CACNA2D3: variants seen among roughly 807,000 people sequenced by gnomAD.
The protein encoded by CACNA2D3 is calcium voltage-gated channel auxiliary subunit alpha2delta 3, also known as voltage-dependent calcium channel subunit alpha-2/delta-3.
A neutral mutation model predicts 160.6 loss-of-function variants in CACNA2D3; 60 were observed. The observed-to-expected ratio is 0.37, with a 90% CI of 0.30 to 0.46. CACNA2D3 has a LOEUF of 0.46. CACNA2D3 is among the 20% of genes least tolerant of loss of function. CACNA2D3 has a pLI of 1.00. For synonymous variants in CACNA2D3, 558 were observed against 492.9 expected, an observed-to-expected ratio of 1.13 and a Z score of -1.75; for missense variants, 1,205 against 1,365.0, an observed-to-expected ratio of 0.88 and a Z score of 1.85.
intron 14 of CACNA2D3, among the ~76,000 whole-genome samples, chr3:54,818,704 C>T (rs1159942029): frequency 2.0e-5 from 3 of 152,146 alleles, no homozygotes; most frequent in Admixed American, 1.3e-4. Context: ...TCCCTGTCTC[C>T]GAATGATGTC....
chr3:54,995,633 C>G (rs191797986), intron 31 of CACNA2D3, among the ~76,000 whole-genome samples: 110 of 152,264 alleles, frequency 7.2e-4, no homozygotes, highest in Admixed American at 5.0e-3. Flanking sequence ...TTAATAAATG[C>G]TTTAAATAAG....
chr3:54,490,950 T>C (rs977056133), intron 4 of CACNA2D3, among the ~76,000 whole-genome samples: 7 of 152,140 alleles, frequency 4.6e-5, no homozygotes, highest in Admixed American at 3.3e-4. Context: ...GAGCTGGGCA[T>C]ACAACTGTGA....
intron 5 of CACNA2D3, among the ~76,000 whole-genome samples, chr3:54,542,269 C>A (rs1701993423): frequency 2.6e-5 from 4 of 152,010 alleles, no homozygotes; most frequent in South Asian, 2.1e-4. Context: ...ACCATGTTGG[C>A]CAGGATGGTC....
chr3:54,980,765 A>T (rs1383576181), intron 29 of CACNA2D3, among the ~76,000 whole-genome samples: 1 of 152,306 alleles, frequency 6.6e-6, no homozygotes, highest in Admixed American at 6.5e-5. Flanking sequence ...AATTTTCAAA[A>T]ATCAAAGAAG....
At chr3:54,414,926 A>T (rs534545519) in intron 4 of CACNA2D3, among the ~76,000 whole-genome samples, 1 of 151,886 alleles carries the variant, frequency 6.6e-6, no homozygotes, top group South Asian at 2.1e-4. Flanking sequence ...CACCAATTTC[A>T]ATTTTATTAA....
At position 54,980,541 on chromosome 3, in the gene CACNA2D3, C is replaced by G. The variant is rs538108092; in HGVS notation, c.2557-4067C>G. 2.0e-5 allele frequency among the ~76,000 whole-genome samples: 3 copies of G among 151,972 alleles called. No homozygotes were observed. The East Asian group carries it at 5.8e-4, about 29-fold the overall frequency. On this transcript the variant is annotated intron_variant, in intron 29 of 37. Coordinates refer to ENST00000474759, the MANE Select transcript of CACNA2D3 (RefSeq NM_018398.3). Reference sequence around the variant, plus strand: ...CACACCTTGAGTGTAGAACTGTTTCCTTGGTGGTCTCAAATACATGTTACA... The same window carrying G: ...CACACCTTGAGTGTAGAACTGTTTCGTTGGTGGTCTCAAATACATGTTACA...
At chr3:54,237,751 C>G (rs116231458) in intron 2 of CACNA2D3, among the ~76,000 whole-genome samples, 32 of 152,310 alleles carry the variant, frequency 2.1e-4, no homozygotes, top group African/African-American at 6.7e-4. Context: ...CATGCTGACT[C>G]TGGCTCAGTT....
At chr3:54,277,893 G>T (rs941710470) in intron 2 of CACNA2D3, among the ~76,000 whole-genome samples, 1 of 152,162 alleles carries the variant, frequency 6.6e-6, no homozygotes, top group Non-Finnish European at 1.5e-5. Flanking sequence ...TGTAGCAATT[G>T]TGAATGGGAG....
chr3:54,644,608 T>C (rs763604824), intron 11 of CACNA2D3, among the ~76,000 whole-genome samples: 1 of 152,194 alleles, frequency 6.6e-6, no homozygotes, highest in Non-Finnish European at 1.5e-5. Context: ...ATCTTCAAGA[T>C]TGTAAAAATG....
Position 54,871,508 on chromosome 3 carries a change from TTTC to T in CACNA2D3, c.1627-28_1627-26del, listed in dbSNP as rs371401793. ...GCTGATGACTTCACGGACTTTTGTT[TTTC>T]TTTTCTTTTTCTTCTTCCCCTTGCT... is the stretch of plus-strand genomic sequence containing the variant. On this transcript the variant is annotated intron_variant, in intron 17 of 37. Coordinates refer to ENST00000474759, the MANE Select transcript of CACNA2D3 (RefSeq NM_018398.3). 2.6e-4 allele frequency: 415 copies of T among 1,567,684 alleles called. No individual in the cohort carries two copies. The African/African-American group carries it at 4.8e-3, about 18-fold the overall frequency.
chr3:54,353,360 T>C (rs1197941105), intron 3 of CACNA2D3, among the ~76,000 whole-genome samples: 3 of 152,220 alleles, frequency 2.0e-5, no homozygotes, highest in East Asian at 3.8e-4. Flanking sequence ...GTGGAATCTC[T>C]GAGCCGGACT....
At chr3:54,777,268 A>G (rs1382662863) in intron 13 of CACNA2D3, among the ~76,000 whole-genome samples, 1 of 152,168 alleles carries the variant, frequency 6.6e-6, no homozygotes, top group Non-Finnish European at 1.5e-5. Context: ...GCCTGCTTCT[A>G]TTTAAAAGTA....
chr3:54,239,930 A>G (rs775034986), intron 2 of CACNA2D3, among the ~76,000 whole-genome samples: 4 of 152,264 alleles, frequency 2.6e-5, no homozygotes, highest in African/African-American at 7.2e-5. Flanking sequence ...ACACTAGGCT[A>G]GACACTTGGT....
chr3:54,645,980 CCTT>C (rs1699627156), intron 11 of CACNA2D3, among the ~76,000 whole-genome samples: 1 of 151,818 alleles, frequency 6.6e-6, no homozygotes, highest in Non-Finnish European at 1.5e-5. Context: ...AATCTCTTTA[CCTT>C]CTGTGTGGGC....
At chr3:54,303,909 CAGGGG>C in intron 2 of CACNA2D3, among the ~76,000 whole-genome samples, 5 of 148,132 alleles carry the variant, frequency 3.4e-5, no homozygotes, top group Middle Eastern at 7.1e-3. Context: ...TGGAAGAGTC[CAGGGG>C]CCACTCTTTG....
chr3:54,136,550 A>G (rs564843381), intron 2 of CACNA2D3, among the ~76,000 whole-genome samples: 9 of 152,300 alleles, frequency 5.9e-5, no homozygotes, highest in African/African-American at 2.2e-4. Context: ...TGGGCACCCA[A>G]ATCCCTTTGC....
chr3:54,404,419 A>C (rs939463509), intron 4 of CACNA2D3, among the ~76,000 whole-genome samples: 3 of 152,224 alleles, frequency 2.0e-5, no homozygotes, highest in Non-Finnish European at 4.4e-5. Flanking sequence ...AAAGCATTCA[A>C]CAAAGTTCAA....
At chr3:54,195,543 T>C (rs1307134780) in intron 2 of CACNA2D3, among the ~76,000 whole-genome samples, 1 of 152,134 alleles carries the variant, frequency 6.6e-6, no homozygotes, top group Non-Finnish European at 1.5e-5. Flanking sequence ...CATGTGAAGT[T>C]GATGCAGTTA....
chr3:54,845,915 C>T (rs1698920873), intron 16 of CACNA2D3, among the ~76,000 whole-genome samples: 1 of 152,136 alleles, frequency 6.6e-6, no homozygotes, highest in East Asian at 1.9e-4. Context: ...TGGAAAATGA[C>T]GGCCTAGGGG....
Sources: allele counts gnomAD v4.1 joint callset (sites outside exome capture counted in the v4.1 genomes callset), GRCh38; gene constraint gnomAD v4.1.1; transcripts MANE v1.5; gene names NCBI Gene and HGNC (gene_info 2026-07-23, HGNC 2026-07-21).